PARP14: variants seen among roughly 807,000 people sequenced by gnomAD.
PARP14 encodes the protein protein mono-ADP-ribosyltransferase PARP14.
In PARP14, 59 loss-of-function variants were observed where a neutral mutation model predicts 154.2. The ratio of observed to expected loss-of-function variants is 0.38; its 90% CI spans 0.31 to 0.48. The LOEUF (loss-of-function observed/expected upper bound fraction) is 0.48, where lower values mean the gene tolerates loss of function less well. PARP14 is among the 20% of genes least tolerant of loss of function. The pLI is 0.98. For missense variants in PARP14, 1,734 were observed against 2,131.6 expected, an observed-to-expected ratio of 0.81 and a Z score of 3.67; for synonymous variants, 720 against 780.5, an observed-to-expected ratio of 0.92 and a Z score of 1.29.
Position 122,687,111 on chromosome 3 carries a change from C to A in PARP14, c.353C>A (p.Pro118Gln). Residue 118 changes from proline (P) to glutamine (Q), a missense_variant and splice_region_variant, in exon 3 of 17, where the codon CCA becomes CAA. Physicochemically the swap from Pro to Gln is moderately conservative, Grantham distance 76. This residue lies in a region of PARP14 where 1,646 missense variants were observed against 1,976.0 expected (regional missense o/e 0.83). Coordinates refer to ENST00000474629, the MANE Select transcript of PARP14 (RefSeq NM_017554.3). The stretch of plus-strand genomic sequence containing the variant: ...AAGACCAAAGAAGATGTTAAAGAAC[C>A]AGGTAAAATCTCAGTTGAGATGACT... ...ESKTKEDVKEPDVSEELDTKL... is the reference protein window; with the variant it reads ...ESKTKEDVKEQDVSEELDTKL... The A allele has an allele frequency of 6.3e-7, 1 of 1,594,258 alleles. No homozygotes were observed. The highest frequency in any genetic ancestry group is 8.6e-7 in the Non-Finnish European group (1 of 1,167,582).
chr3:122,701,202 C>T lies in PARP14; in HGVS notation c.2648C>T (p.Pro883Leu). 6.2e-7 allele frequency: 1 copy of T among 1,613,538 alleles called. No individual in the cohort carries two copies. Among genetic ancestry groups the T allele is most frequent in the Non-Finnish European group, 8.5e-7 (1 of 1,179,666 alleles). ...PYHHVIHAVG[P>L]RWSGYEAPRC... is the part of the protein sequence containing the mutation. ...CACCACGTGATCCATGCAGTGGGGC[C>T]CCGCTGGAGCGGATATGAGGCCCCG... Residue 883 changes from proline to leucine, a missense_variant, in exon 6 of 17, where the codon CCC becomes CTC. Pro to Leu is a moderately conservative substitution (Grantham distance 98). This residue lies in a region of PARP14 where 1,646 missense variants were observed against 1,976.0 expected (regional missense o/e 0.83). Transcript: ENST00000474629. The surrounding 1 kb of genome is among the most constrained non-coding windows in gnomAD (Gnocchi z 4.0).
Position 122,727,902 on chromosome 3 carries a change from A to C in PARP14, c.5032A>C (p.Lys1678Gln). ...CAAGAATGGCCAGACAATGAATGAG[A>C]AGCAACTCTTCCATGGGACAGATGC... ...DAKNGQTMNE[K>Q]QLFHGTDAGS... Residue 1678 changes from lysine to glutamine, a missense_variant, in exon 16 of 17, where the codon AAG (lysine) becomes CAG (glutamine). Physicochemically the swap from Lys to Gln is moderately conservative, Grantham distance 53. This residue lies in a region of PARP14 where 88 missense variants were observed against 155.6 expected (regional missense o/e 0.57). Transcript: ENST00000474629. 6.2e-7 allele frequency: 1 copy of C among 1,613,706 alleles called. No individual in the cohort carries two copies. Among genetic ancestry groups the C allele is most frequent in the Non-Finnish European group, 8.5e-7 (1 of 1,179,622 alleles).
chr3:122,690,409 G>A (rs1052778342), intron 3 of PARP14, among the ~76,000 whole-genome samples: 1 of 151,922 alleles, frequency 6.6e-6, no homozygotes, highest in Non-Finnish European at 1.5e-5. Context: ...TTTTAATTTA[G>A]CATGAGTGTG....
chr3:122,722,866 A>T (rs561999963), intron 15 of PARP14, among the ~76,000 whole-genome samples: 1 of 152,174 alleles, frequency 6.6e-6, no homozygotes, highest in Non-Finnish European at 1.5e-5. Flanking sequence ...ATTCTCCTAA[A>T]TTATGGCAAT....
chr3:122,689,749 T>C (rs1938482604), intron 3 of PARP14, among the ~76,000 whole-genome samples: 1 of 152,126 alleles, frequency 6.6e-6, no homozygotes, highest in Admixed American at 6.5e-5. Context: ...TGACCAGCCC[T>C]TTGCACTATT....
intron 2 of PARP14, 116 bp from the exon 3 acceptor site, chr3:122,686,964 A>T: frequency 1.4e-6 from 1 of 706,538 alleles, no homozygotes; most frequent in Non-Finnish European, 2.5e-6. Context: ...CCCTTATCAG[A>T]CCTTTTCATT....
At position 122,695,641 on chromosome 3, in the gene PARP14, A is replaced by G. The variant is rs1938749297; in HGVS notation, c.814A>G (p.Ile272Val). 1.3e-6 allele frequency: 2 copies of G among 1,582,994 alleles called. No individual in the cohort carries two copies. The highest frequency in any genetic ancestry group is 1.7e-6 in the Non-Finnish European group (2 of 1,153,404). ...TTTTCCTGAAGAGAGTTCAGCTCTG[A>G]TTGAATTTTTTGACAGAAAAGGTAA... The part of the protein sequence containing the change: ...EYFPEESSAL[I>V]EFFDRKVLDT... The change falls in exon 5 of 17, where the codon ATT becomes GTT. Residue 272 changes from isoleucine (I) to valine (V), a missense_variant. This residue lies in a region of PARP14 where 1,646 missense variants were observed against 1,976.0 expected (regional missense o/e 0.83). Transcript: ENST00000474629.
In PARP14 at chr3:122,701,043, A is replaced by T. The variant is rs774236526; in HGVS notation, c.2489A>T (p.Tyr830Phe). The change falls in exon 6 of 17, where the codon TAT (tyrosine) becomes TTT (phenylalanine). Residue 830 changes from tyrosine to phenylalanine, a missense_variant. By Grantham distance (22) the Tyr-to-Phe change is conservative (BLOSUM62 3). This residue lies in a region of PARP14 where 1,646 missense variants were observed against 1,976.0 expected (regional missense o/e 0.83). Transcript: ENST00000474629. This position sits in a 1 kb window ranked among gnomAD's most constrained non-coding sequence, Gnocchi z 4.0. ...VNASNEDLKHYGGLAAALSKA... is the reference protein window; with the variant it reads ...VNASNEDLKHFGGLAAALSKA... ...GCATCTAATGAGGACCTTAAGCATT[A>T]TGGTGGCCTGGCCGCTGCGCTCTCA... 6.2e-7 allele frequency: 1 copy of T among 1,614,018 alleles called. No individual in the cohort carries two copies. Among genetic ancestry groups the T allele is most frequent in the South Asian group, 1.1e-5 (1 of 91,088 alleles).
intron 3 of PARP14, 130 bp from the exon 4 acceptor site, chr3:122,692,171 G>T: frequency 1.7e-6 from 1 of 595,982 alleles, no homozygotes; most frequent in Non-Finnish European, 2.8e-6. Context: ...AGCCATCCAA[G>T]GTCTGTTATT....
At chr3:122,714,467 CAT>C (rs760467512) in intron 12 of PARP14, 38 bp downstream of exon 12, 1 of 1,481,950 alleles carries the variant, frequency 6.7e-7, no homozygotes, top group Non-Finnish European at 9.0e-7. Context: ...AATCCCAAGC[CAT>C]CTACTTTCCC....
At position 122,700,602 on chromosome 3, in the gene PARP14, T is replaced by G; in HGVS notation, c.2048T>G (p.Ile683Ser). The G allele has an allele frequency of 1.3e-6, 2 of 1,599,800 alleles. No individual in the cohort carries two copies. The highest frequency in any genetic ancestry group is 1.7e-6 in the Non-Finnish European group (2 of 1,172,436). ...RLVEVKPSLV[I>S]DYLKTEKKLF... ...GTTGAAGTAAAGCCTTCCTTAGTTA[T>G]TGACTATTTAAAGACAGAAAAGAAG... The change falls in exon 6 of 17, where the codon ATT becomes AGT. Residue 683 changes from isoleucine (I) to serine (S), a missense_variant. Ile to Ser is a moderately radical substitution (Grantham distance 142). Coordinates refer to ENST00000474629, the MANE Select transcript of PARP14 (RefSeq NM_017554.3).
chr3:122,685,541 G>A (rs548350252), intron 2 of PARP14, among the ~76,000 whole-genome samples: 119 of 148,500 alleles, frequency 8.0e-4, no homozygotes, highest in Middle Eastern at 3.5e-3. Context: ...ACGGAGTCTC[G>A]CTCTGTCAAC....
chr3:122,705,984 C>G (rs1281849288), intron 8 of PARP14, among the ~76,000 whole-genome samples: 1 of 152,220 alleles, frequency 6.6e-6, no homozygotes, highest in East Asian at 1.9e-4. Context: ...ATAGCACATA[C>G]TTTCCCTCCT....
At chr3:122,690,820 A>G (rs1447402654) in intron 3 of PARP14, among the ~76,000 whole-genome samples, 1 of 152,172 alleles carries the variant, frequency 6.6e-6, no homozygotes, top group Non-Finnish European at 1.5e-5. Flanking sequence ...CCACAACACA[A>G]GTTTATTTCT....
At chr3:122,693,842 G>GAGA (rs577363847) in intron 4 of PARP14, among the ~76,000 whole-genome samples, 9 of 135,666 alleles carry the variant, frequency 6.6e-5, no homozygotes, top group African/African-American at 2.2e-4. Context: ...CCCCGTGTCT[G>GAGA]AAAAAAAAAA....
At chr3:122,721,109 C>T in intron 15 of PARP14, 1 of 333,200 alleles carries the variant, frequency 3.0e-6, no homozygotes, top group South Asian at 2.3e-5. Context: ...CTCTTCCAAA[C>T]CCCTAATTCT....
chr3:122,703,977 A>G lies in PARP14; in HGVS notation c.3317A>G (p.Lys1106Arg), dbSNP rs1156302260. The G allele has an allele frequency of 1.2e-6, 2 of 1,608,016 alleles. No homozygotes were observed. Among genetic ancestry groups the G allele is most frequent in the Non-Finnish European group, 1.7e-6 (2 of 1,174,448 alleles). ...AGAAATGGTAGCACATCTTCACTCAAGGTTGGGCCTGGTTTTGAATTCTCC... is the reference window on the plus strand; with the variant it reads ...AGAAATGGTAGCACATCTTCACTCAGGGTTGGGCCTGGTTTTGAATTCTCC... ...EWRNGSTSSL[K>R]IMEDIIRECM... Residue 1106 changes from lysine to arginine, a missense_variant and splice_region_variant, in exon 7 of 17, where the codon AAG (lysine) becomes AGG (arginine). This residue lies in a region of PARP14 where 1,646 missense variants were observed against 1,976.0 expected (regional missense o/e 0.83). Transcript: ENST00000474629.
chr3:122,690,647 G>C (rs1197112020), intron 3 of PARP14, among the ~76,000 whole-genome samples: 1 of 152,194 alleles, frequency 6.6e-6, no homozygotes, highest in Non-Finnish European at 1.5e-5. Flanking sequence ...GAGTAGCTGG[G>C]ATTAGAGGCG....
At chr3:122,683,463 AAAAGTTGGTGT>A (rs973877968) in intron 1 of PARP14, among the ~76,000 whole-genome samples, 1 of 152,242 alleles carries the variant, frequency 6.6e-6, no homozygotes, top group African/African-American at 2.4e-5. Flanking sequence ...TGGATTTCTG[AAAAGTTGGTGT>A]AAATTGACAT....
Sources: gnomAD v4.1 joint callset for allele counts (sites outside exome capture counted in the v4.1 genomes callset) on GRCh38, gnomAD v4.1.1 for gene constraint, gnomAD v4.1.1 regional missense constraint, Gnocchi (gnomAD v3.1) non-coding constraint, MANE v1.5 for transcripts, NCBI Gene and HGNC (gene_info 2026-07-23, HGNC 2026-07-21) for gene names.